The following CLTCL1 variants were observed in gnomAD, a reference collection of about 807,000 sequenced individuals.
The protein encoded by CLTCL1 is clathrin heavy chain like 1.
In CLTCL1, 159 loss-of-function variants were observed where a neutral mutation model predicts 190.0. The ratio of observed to expected loss-of-function variants is 0.84; its 90% CI spans 0.74 to 0.95. The LOEUF (loss-of-function observed/expected upper bound fraction) is 0.95. CLTCL1 is among the 40% of genes least tolerant of loss of function. The pLI is 0.00. For missense variants in CLTCL1, 1,878 were observed against 2,033.4 expected (o/e 0.92, Z 1.47); for synonymous variants, 752 against 769.6 (o/e 0.98, Z 0.38).
At chr22:19,283,307 G>A (rs1456669887) in intron 1 of CLTCL1, among the ~76,000 whole-genome samples, 2 of 151,752 alleles carry the variant, frequency 1.3e-5, no homozygotes, top group Non-Finnish European at 2.9e-5. Flanking sequence ...TTGAGACAGA[G>A]TCTTGCTCTG....
At position 19,196,427 on chromosome 22, in the gene CLTCL1, G is replaced by C. The variant is rs781918864; in HGVS notation, c.4042-12C>G. ...GCAGCCCTCAGCACCTGGACAAGGA[G>C]GTCAGGGTCGGCTTGTGCTGCACGT... On this transcript the variant is annotated splice_polypyrimidine_tract_variant and intron_variant, in intron 25 of 32. Coordinates refer to ENST00000427926, the MANE Select transcript of CLTCL1 (RefSeq NM_007098.4). The C allele has an allele frequency of 6.2e-7, 1 of 1,614,040 alleles. No homozygotes were observed. The highest frequency in any genetic ancestry group is 1.1e-5 in the South Asian group (1 of 91,082).
At chr22:19,281,425 A>T (rs1488847436) in intron 1 of CLTCL1, among the ~76,000 whole-genome samples, 1 of 152,194 alleles carries the variant, frequency 6.6e-6, no homozygotes, top group African/African-American at 2.4e-5. Flanking sequence ...TATGTTATGT[A>T]TATTTTACCA....
intron 3 of CLTCL1, among the ~76,000 whole-genome samples, chr22:19,247,549 TGTC>T (rs1431140726): frequency 2.4e-4 from 37 of 152,302 alleles, no homozygotes; most frequent in African/African-American, 7.5e-4. Flanking sequence ...TTGTTGTTGT[TGTC>T]ATTTGTTTTG....
At chr22:19,220,718 A>G (rs2085540655) in intron 17 of CLTCL1, among the ~76,000 whole-genome samples, 1 of 152,218 alleles carries the variant, frequency 6.6e-6, no homozygotes, top group Non-Finnish European at 1.5e-5. Flanking sequence ...ATCACAGGAA[A>G]AGCCCAAGCA....
chr22:19,278,942 A>C (rs1169320141), intron 1 of CLTCL1, among the ~76,000 whole-genome samples: 2 of 152,132 alleles, frequency 1.3e-5, no homozygotes, highest in African/African-American at 4.8e-5. Context: ...GGGTTTCACC[A>C]TGTTGGCCAG....
In CLTCL1 at chr22:19,187,546, C is replaced by G. The variant is rs1555928906; in HGVS notation, c.4605+12G>C. 1 of 1,599,888 alleles carries G rather than the reference C, an allele frequency of 6.3e-7. No individual in the cohort carries two copies. The highest frequency in any genetic ancestry group is 1.1e-5 in the South Asian group (1 of 90,848). On this transcript the variant is annotated intron_variant, in intron 29 of 32. Coordinates refer to ENST00000427926, the MANE Select transcript of CLTCL1 (RefSeq NM_007098.4). ...GCAGGAAGGTGGGAGGAAACGGGCC[C>G]AGGCCACCAACCTTGTAGAGATGAT...
intron 18 of CLTCL1, 85 bp from the exon 19 acceptor site, chr22:19,216,341 T>C: frequency 1.2e-5 from 15 of 1,302,284 alleles, no homozygotes; most frequent in Non-Finnish European, 1.6e-5. Flanking sequence ...GAAGGACTCC[T>C]CCAAGATGGT....
rs1352966749 is a variant in CLTCL1, at chr22:19,291,693, G to A, written c.-52C>T. The A allele has an allele frequency of 4.4e-5, 58 of 1,322,822 alleles. No individual in the cohort carries two copies. The Admixed American group carries it at 4.6e-4, about 11-fold the overall frequency. The allele number at this position is 1,322,822 out of a possible 1,614,324, so 81.9% of individuals were successfully genotyped here. A position where few individuals can be genotyped will look rare whatever the true frequency, so the allele number is the denominator to read the frequency against. On this transcript the variant is annotated 5_prime_UTR_variant, in exon 1 of 33. Coordinates refer to ENST00000427926, the MANE Select transcript of CLTCL1 (RefSeq NM_007098.4). ...GGCGGCAGCGGCAGGAATGAACGCC[G>A]ACCCCTCGCGCGGGCTGACCGGTGG... is the stretch of plus-strand genomic sequence containing the variant.
chr22:19,200,402 C>A (rs916659643), intron 23 of CLTCL1, among the ~76,000 whole-genome samples: 8 of 152,220 alleles, frequency 5.3e-5, no homozygotes, highest in Non-Finnish European at 8.8e-5. Context: ...CACCAGCACC[C>A]TGACAAATTT....
intron 22 of CLTCL1, 80 bp downstream of exon 22, chr22:19,208,074 G>A: frequency 6.4e-7 from 1 of 1,562,580 alleles, no homozygotes; most frequent in Non-Finnish European, 8.8e-7. Flanking sequence ...TGCCAAAACA[G>A]CTCGGGACTG....
chr22:19,210,591 AC>A, intron 19 of CLTCL1, 82 bp from the exon 20 acceptor site: 2 of 1,234,218 alleles, frequency 1.6e-6, no homozygotes, highest in Non-Finnish European at 1.1e-6. Context: ...GCATCCCCAG[AC>A]CCCCAGTTTT....
chr22:19,189,513 A>T (rs780681995), intron 27 of CLTCL1, among the ~76,000 whole-genome samples: 12 of 152,240 alleles, frequency 7.9e-5, no homozygotes, highest in Non-Finnish European at 1.5e-4. Context: ...TTAAGAAACC[A>T]CTTTCTTTGC....
At chr22:19,203,789 T>C (rs2146341993) in intron 22 of CLTCL1, among the ~76,000 whole-genome samples, 1 of 152,244 alleles carries the variant, frequency 6.6e-6, no homozygotes, top group South Asian at 2.1e-4. Context: ...GCTGGACAGA[T>C]CCACATGGCA....
In CLTCL1 at chr22:19,221,405, C is replaced by A. The variant is rs374574720; in HGVS notation, c.2768G>T (p.Arg923Leu). ...DPHLACVAYERGQCDLELIKV... is the reference protein window; with the variant it reads ...DPHLACVAYELGQCDLELIKV... The stretch of plus-strand genomic sequence containing the variant: ...GATGAGCTCAAGGTCACACTGCCCC[C>A]GCTCATAGGCAACACAGGCCAGATG... Residue 923 changes from arginine to leucine, a missense_variant, in exon 17 of 33, where the codon CGG becomes CTG. Arg to Leu is a moderately radical substitution (Grantham distance 102, BLOSUM62 -2). Transcript: ENST00000427926. 1.9e-6 allele frequency: 3 copies of A among 1,555,266 alleles called. No individual in the cohort carries two copies. The highest frequency in any genetic ancestry group is 2.6e-6 in the Non-Finnish European group (3 of 1,149,068).
At position 19,208,256 on chromosome 22, in the gene CLTCL1, C is replaced by T; in HGVS notation, c.3498G>A (p.Glu1166=). The part of the protein sequence containing the change: ...FLQMARKKGR[E]SYIETELIFA... ...AAATAAGTTCAGTCTCTATATAGGA[C>T]TCACGGCCCTTTTTCCTGGCCATCT... The change falls in exon 22 of 33, where the codon GAG becomes GAA. Residue 1166 remains glutamate, a synonymous_variant. Transcript: ENST00000427926. 6.2e-7 allele frequency: 1 copy of T among 1,613,836 alleles called. No homozygotes were observed. Among genetic ancestry groups the T allele is most frequent in the Non-Finnish European group, 8.5e-7 (1 of 1,179,896 alleles).
At chr22:19,208,413 G>A in intron 21 of CLTCL1, 102 bp from the exon 22 acceptor site, 1 of 1,360,142 alleles carries the variant, frequency 7.4e-7, no homozygotes, top group Non-Finnish European at 1.0e-6. Context: ...TTACCCTCCA[G>A]TTATGTCTCA....
At chr22:19,194,886 T>G (rs1412008633) in intron 26 of CLTCL1, among the ~76,000 whole-genome samples, 1 of 152,132 alleles carries the variant, frequency 6.6e-6, no homozygotes, top group Non-Finnish European at 1.5e-5. Context: ...CCTACCCCCT[T>G]CACACCTGAG....
chr22:19,210,386 T>A lies in CLTCL1; in HGVS notation c.3189A>T (p.Ala1063=), dbSNP rs698423. Residue 1063 remains alanine, a synonymous_variant, in exon 20 of 33, where the codon GCA becomes GCT. Transcript: ENST00000427926. ...LDIASIAVSS[A]LYEEAFTVFH... ...AAACGGTGAAGGCCTCCTCATACAG[T>A]GCGCTGCTGACAGCGATGCTCGCGA... 6.2e-7 allele frequency: 1 copy of A among 1,613,608 alleles called. No homozygotes were observed. The highest frequency in any genetic ancestry group is 1.3e-5 in the African/African-American group (1 of 74,898).
intron 10 of CLTCL1, 118 bp downstream of exon 10, chr22:19,232,358 C>T (rs1206553): frequency 7.1e-7 from 1 of 1,400,850 alleles, no homozygotes. Flanking sequence ...TTTAAAACTG[C>T]AAGATTAATA....
Sources: allele counts gnomAD v4.1 joint callset (sites outside exome capture counted in the v4.1 genomes callset), GRCh38; gene constraint gnomAD v4.1.1; transcripts MANE v1.5; gene names NCBI Gene and HGNC (gene_info 2026-07-23, HGNC 2026-07-21).